SLC30A8: variants seen among roughly 807,000 people sequenced by gnomAD.
The protein encoded by SLC30A8 is solute carrier family 30 member 8.
SLC30A8 carries 27 observed loss-of-function variants against 36.9 expected under a neutral mutation model. The observed-to-expected ratio is 0.73, with a 90% CI of 0.54 to 1.01. The LOEUF (loss-of-function observed/expected upper bound fraction) is 1.01. Among genes scored for constraint, SLC30A8 ranks in the 50% least tolerant of loss-of-function variants. The pLI, the probability that SLC30A8 is intolerant of heterozygous loss-of-function variation, is 0.00. For missense variants in SLC30A8, 439 were observed against 452.0 expected (o/e 0.97, Z 0.26); for synonymous variants, 164 against 172.4 (o/e 0.95, Z 0.38).
intron 3 of SLC30A8, among the ~76,000 whole-genome samples, chr8:117,153,989 A>G (rs1181895594): frequency 6.6e-6 from 1 of 152,190 alleles, no homozygotes; most frequent in Non-Finnish European, 1.5e-5. Context: ...ACATGTATGC[A>G]CTAAAACAGA....
At chr8:116,977,372 A>AT (rs1815082009) in intron 1 of SLC30A8, among the ~76,000 whole-genome samples, 1 of 136,862 alleles carries the variant, frequency 7.3e-6, no homozygotes, top group African/African-American at 2.7e-5. Context: ...CCAGGATGGT[A>AT]TTGATCTCCT....
At chr8:117,142,396 T>C (rs1216974556) in intron 1 of SLC30A8, among the ~76,000 whole-genome samples, 1 of 152,172 alleles carries the variant, frequency 6.6e-6, no homozygotes, top group Non-Finnish European at 1.5e-5. Context: ...TTTAGAAATG[T>C]GAACCATGTA....
intron 1 of SLC30A8, among the ~76,000 whole-genome samples, chr8:117,017,302 G>A (rs1055508959): frequency 1.3e-5 from 2 of 152,144 alleles, no homozygotes; most frequent in African/African-American, 2.4e-5. Context: ...TTTCTCTTGT[G>A]TTCTAATATC....
chr8:117,166,302 AC>A (rs1243537364), intron 6 of SLC30A8, among the ~76,000 whole-genome samples: 1 of 152,244 alleles, frequency 6.6e-6, no homozygotes, highest in Admixed American at 6.5e-5. Flanking sequence ...TTTATTGGAG[AC>A]CTGAGGTACT....
intron 2 of SLC30A8, among the ~76,000 whole-genome samples, chr8:117,052,410 G>T (rs1817738733): frequency 6.6e-6 from 1 of 152,178 alleles, no homozygotes; most frequent in East Asian, 1.9e-4. Context: ...TTTATTAGAT[G>T]AAAAAACATA....
chr8:117,022,211 AAG>A (rs1554624406), intron 1 of SLC30A8, among the ~76,000 whole-genome samples: 1 of 151,986 alleles, frequency 6.6e-6, no homozygotes, highest in African/African-American at 2.4e-5. Flanking sequence ...AAAAAAAAAA[AAG>A]AAAACAAGTT....
intron 2 of SLC30A8, among the ~76,000 whole-genome samples, chr8:117,069,433 G>GAA: frequency 6.6e-6 from 1 of 152,224 alleles, no homozygotes; most frequent in African/African-American, 2.4e-5. Context: ...CTCAAATGAT[G>GAA]AGTTTTATAT....
Position 117,025,662 on chromosome 8 carries a change from T to G in SLC30A8, c.-265-13557T>G, listed in dbSNP as rs1505526. On this transcript the variant is annotated intron_variant, in intron 1 of 10. Coordinates refer to the SLC30A8 transcript ENST00000427715. The stretch of plus-strand genomic sequence containing the variant: ...ATGCTTTTCTTTGATCCAGGGCTGA[T>G]TGATCCTATATCTCTAGGGCAGAAA... 4.9e-3 allele frequency among the ~76,000 whole-genome samples: 743 copies of G among 152,336 alleles called. 26 individuals carry two copies. In the East Asian group the frequency reaches 0.098, roughly 20 times the overall value.
intron 1 of SLC30A8, among the ~76,000 whole-genome samples, chr8:116,956,597 T>A (rs1814213468): frequency 6.6e-6 from 1 of 152,182 alleles, no homozygotes; most frequent in Non-Finnish European, 1.5e-5. Context: ...TATATCTATA[T>A]AATAGAAATT....
At chr8:116,967,540 C>T (rs895339808) in intron 1 of SLC30A8, among the ~76,000 whole-genome samples, 26 of 152,172 alleles carry the variant, frequency 1.7e-4, no homozygotes, top group Admixed American at 1.2e-3. Context: ...ACCCTCAAGT[C>T]GAACTGTATT....
chr8:116,995,763 A>T (rs1450492968), intron 1 of SLC30A8, among the ~76,000 whole-genome samples: 1 of 152,102 alleles, frequency 6.6e-6, no homozygotes, highest in African/African-American at 2.4e-5. Flanking sequence ...TGGTGGGAGC[A>T]GGGGAAAAGC....
intron 1 of SLC30A8, among the ~76,000 whole-genome samples, chr8:116,984,107 T>G (rs1033610504): frequency 6.6e-6 from 1 of 152,164 alleles, no homozygotes; most frequent in African/African-American, 2.4e-5. Flanking sequence ...TGAAACTGTG[T>G]TTTTTCATTC....
At chr8:117,028,078 G>A (rs989307369) in intron 1 of SLC30A8, among the ~76,000 whole-genome samples, 3 of 152,186 alleles carry the variant, frequency 2.0e-5, no homozygotes, top group Non-Finnish European at 4.4e-5. Flanking sequence ...GAAGGCTGCC[G>A]TGCGTTGGTC....
chr8:117,024,455 C>T (rs1816808606), intron 1 of SLC30A8, among the ~76,000 whole-genome samples: 2 of 152,190 alleles, frequency 1.3e-5, no homozygotes, highest in South Asian at 4.1e-4. Context: ...GGCGTAATCT[C>T]TTCCTCCTCC....
chr8:117,075,174 T>C (rs1041930263), intron 2 of SLC30A8, among the ~76,000 whole-genome samples: 3 of 152,160 alleles, frequency 2.0e-5, no homozygotes, highest in Non-Finnish European at 2.9e-5. Flanking sequence ...AGCAAAGACA[T>C]ACGATCACAA....
chr8:116,972,797 C>T (rs944783215), intron 1 of SLC30A8, among the ~76,000 whole-genome samples: 3 of 152,078 alleles, frequency 2.0e-5, no homozygotes, highest in South Asian at 2.1e-4. Flanking sequence ...CTTAGGCTTG[C>T]GGAGGGACCA....
At chr8:117,132,532 G>C (rs1156738903), upstream of SLC30A8, among the ~76,000 whole-genome samples, 3 of 151,996 alleles carry the variant, frequency 2.0e-5, no homozygotes, top group Non-Finnish European at 2.9e-5. Context: ...TGGTTGCCTA[G>C]GAAACTGAAA....
At chr8:117,093,765 G>C (rs1219995250) in intron 2 of SLC30A8, among the ~76,000 whole-genome samples, 1 of 152,148 alleles carries the variant, frequency 6.6e-6, no homozygotes, top group Non-Finnish European at 1.5e-5. Context: ...TTTTGCTTGG[G>C]CCCTCTGGAC....
intron 1 of SLC30A8, among the ~76,000 whole-genome samples, chr8:116,986,734 C>T (rs919123698): frequency 1.3e-5 from 2 of 152,028 alleles, no homozygotes; most frequent in Non-Finnish European, 2.9e-5. Flanking sequence ...AGCAGGCACT[C>T]CGAGGTTTTG....
Sources: gnomAD v4.1 joint callset for allele counts (sites outside exome capture counted in the v4.1 genomes callset) on GRCh38, gnomAD v4.1.1 for gene constraint, MANE v1.5 for transcripts, NCBI Gene and HGNC (gene_info 2026-07-23, HGNC 2026-07-21) for gene names.